ST8SIA5: variants seen among roughly 807,000 people sequenced by gnomAD.
ST8SIA5 encodes alpha-2,8-sialyltransferase 8E.
Under a neutral mutation model 40.2 loss-of-function variants are expected in ST8SIA5, and 24 were observed. That is an observed-to-expected ratio of 0.60 (90% CI 0.43 to 0.84). The LOEUF (loss-of-function observed/expected upper bound fraction) is 0.84, where lower values mean the gene tolerates loss of function less well. Ranked by LOEUF, ST8SIA5 falls within the 40% of genes least tolerant of loss-of-function variation. The pLI, the probability that ST8SIA5 is intolerant of heterozygous loss-of-function variation, is 0.00. For missense variants in ST8SIA5, 465 were observed against 498.5 expected (o/e 0.93, Z 0.64); for synonymous variants, 198 against 201.8 (o/e 0.98, Z 0.16).
intron 2 of ST8SIA5, among the ~76,000 whole-genome samples, chr18:46,696,567 T>C (rs184687788): frequency 1.3e-5 from 2 of 152,330 alleles, no homozygotes; most frequent in East Asian, 3.9e-4. Flanking sequence ...CTTGGGCAAG[T>C]CATTTAATCT....
At chr18:46,728,727 A>G (rs2039956886) in intron 1 of ST8SIA5, among the ~76,000 whole-genome samples, 1 of 152,124 alleles carries the variant, frequency 6.6e-6, no homozygotes. Context: ...GCCCCCCCAC[A>G]TGCTCTGGAG....
rs1271696966 is a variant in ST8SIA5 at position 46,668,257 on chromosome 18, G to C, written c.*11785C>G. The C allele has an allele frequency of 6.6e-6, 1 of 152,288 alleles. No homozygotes were observed. The highest frequency in any genetic ancestry group is 2.4e-5 in the African/African-American group (1 of 41,466). 9.4% of individuals were successfully genotyped at this position (152,288 alleles called of 1,614,324 possible). ...CGTGACTTGGCTCTTTGAGAGGAAA[G>C]CAAGGGAGGGAAGGGAGGCATGCCA... On this transcript the variant is annotated 3_prime_UTR_variant, in exon 7 of 7. Transcript: ENST00000315087.
In ST8SIA5 at chr18:46,682,033, T is replaced by C. The variant is rs1418354894; in HGVS notation, c.601A>G (p.Thr201Ala). The C allele has an allele frequency of 1.2e-6, 2 of 1,610,400 alleles. No individual in the cohort carries two copies. Among genetic ancestry groups the C allele is most frequent in the Admixed American group, 3.4e-5 (2 of 59,082 alleles). Residue 201 changes from threonine (T) to alanine (A), a missense_variant, in exon 6 of 7, where the codon ACC (threonine) becomes GCC (alanine). Physicochemically the swap from Thr to Ala is moderately conservative, Grantham distance 58. Coordinates refer to ENST00000315087, the MANE Select transcript of ST8SIA5 (RefSeq NM_013305.6). Reference sequence around the variant, plus strand: ...TCCGTCTTCACCCCCACATCCATGGTGTACTTCTCTGAGATGGGGGGCAGG... The same window carrying C: ...TCCGTCTTCACCCCCACATCCATGGCGTACTTCTCTGAGATGGGGGGCAGG... ...CNLPPISEKY[T>A]MDVGVKTDVV...
chr18:46,686,760 C>T (rs1368676898), intron 4 of ST8SIA5, among the ~76,000 whole-genome samples: 1 of 150,874 alleles, frequency 6.6e-6, no homozygotes, highest in Non-Finnish European at 1.5e-5. Flanking sequence ...AAAACAGGGG[C>T]CTCTCACAGC....
rs763496347 is a variant in ST8SIA5, at chr18:46,680,117, A to G, written c.1056T>C (p.Ser352=). 16 of 1,613,430 alleles carry G rather than the reference A, an allele frequency of 9.9e-6. No individual in the cohort carries two copies. In the East Asian group the frequency reaches 1.3e-4, roughly 13 times the overall value. Residue 352 remains serine (S), a synonymous_variant, in exon 7 of 7, where the codon TCT becomes TCC. Transcript: ENST00000315087. ...KPRPGFHAMP[S]EIFNFLHLHS... is the part of the protein sequence containing the mutation. ...GCAAGTGCAGGAAGTTGAAGATCTC[A>G]GAGGGCATGGCGTGGAAGCCGGGAC... is the stretch of plus-strand genomic sequence containing the variant.
chr18:46,723,344 G>C (rs1486286574), intron 1 of ST8SIA5: 1 of 152,224 alleles, frequency 6.6e-6, no homozygotes, highest in Non-Finnish European at 1.5e-5. Flanking sequence ...CTGAGCTCAG[G>C]AGTTTGAGAC....
rs925225031 is a variant in ST8SIA5, at chr18:46,670,725, C to G, written c.*9317G>C. 1 of 152,082 alleles carries G rather than the reference C, an allele frequency of 6.6e-6. No individual in the cohort carries two copies. The highest frequency in any genetic ancestry group is 1.5e-5 in the Non-Finnish European group (1 of 68,018). 9.4% of individuals were successfully genotyped at this position (152,082 alleles called of 1,614,324 possible). ...GGGATTACAGATGTGAGCCACCATG[C>G]CTGGACATATTTTCTTATCCTTAAT... On this transcript the variant is annotated 3_prime_UTR_variant, in exon 7 of 7. Coordinates refer to ENST00000315087, the MANE Select transcript of ST8SIA5 (RefSeq NM_013305.6).
intron 1 of ST8SIA5, among the ~76,000 whole-genome samples, chr18:46,720,088 C>T (rs886835931): frequency 1.3e-5 from 2 of 152,188 alleles, no homozygotes; most frequent in Admixed American, 6.5e-5. Context: ...ATCCACCCGC[C>T]TTGGCCTCCC....
chr18:46,730,886 T>A (rs2039979025), intron 1 of ST8SIA5, among the ~76,000 whole-genome samples: 2 of 152,028 alleles, frequency 1.3e-5, no homozygotes, highest in Admixed American at 1.3e-4. Context: ...GAGGCTGAAG[T>A]GGGAGGATTG....
intron 4 of ST8SIA5, among the ~76,000 whole-genome samples, chr18:46,688,194 C>A (rs998748610): frequency 6.6e-5 from 10 of 152,164 alleles, no homozygotes; most frequent in African/African-American, 2.4e-4. Context: ...CTCCAGAATT[C>A]TTTTATGTGA....
In ST8SIA5 at chr18:46,678,410, T is replaced by C. The variant is rs1439835287; in HGVS notation, c.*1632A>G. The C allele has an allele frequency of 6.6e-6, 1 of 152,322 alleles. No individual in the cohort carries two copies. Among genetic ancestry groups the C allele is most frequent in the Non-Finnish European group, 1.5e-5 (1 of 68,142 alleles). 9.4% of individuals were successfully genotyped at this position (152,322 alleles called of 1,614,324 possible). A position where few individuals can be genotyped will look rare whatever the true frequency, so the allele number is the denominator to read the frequency against. On this transcript the variant is annotated 3_prime_UTR_variant, in exon 7 of 7. Coordinates refer to ENST00000315087, the MANE Select transcript of ST8SIA5 (RefSeq NM_013305.6). ...ATAAAGCCTGCACTCTCCACGTCCC[T>C]GACTGGCTCAGCCGGGGGGCCTGTC...
chr18:46,689,411 C>T (rs1485321633), intron 3 of ST8SIA5, among the ~76,000 whole-genome samples: 1 of 152,224 alleles, frequency 6.6e-6, no homozygotes, highest in Non-Finnish European at 1.5e-5. Flanking sequence ...TGTCAAGAGG[C>T]CTGGATTCTT....
At chr18:46,727,012 T>C (rs964770709) in intron 1 of ST8SIA5, among the ~76,000 whole-genome samples, 25 of 152,254 alleles carry the variant, frequency 1.6e-4, no homozygotes, top group African/African-American at 5.8e-4. Flanking sequence ...GGCAGCTTCC[T>C]GGACTCAGTC....
chr18:46,733,484 A>C (rs552030981), intron 1 of ST8SIA5, among the ~76,000 whole-genome samples: 1 of 152,304 alleles, frequency 6.6e-6, no homozygotes, highest in Non-Finnish European at 1.5e-5. Context: ...CAAGCCACCA[A>C]AGCCTTGCCC....
In ST8SIA5 at chr18:46,669,253, G is replaced by A. The variant is rs75060966; in HGVS notation, c.*10789C>T. ...AAAAGGTGCCCTAGAGGGCTAGAGC[G>A]GGACACTGGCCACCGTCCCCTGCCC... On this transcript the variant is annotated 3_prime_UTR_variant, in exon 7 of 7. Coordinates refer to ENST00000315087, the MANE Select transcript of ST8SIA5 (RefSeq NM_013305.6). 0.031 allele frequency: 4,657 copies of A among 152,408 alleles called. 111 individuals carry two copies. Among genetic ancestry groups the A allele is most frequent in the Non-Finnish European group, 0.046 (3,108 of 68,152 alleles). 9.4% of individuals were successfully genotyped at this position (152,408 alleles called of 1,614,324 possible).
chr18:46,688,285 G>C (rs532298644), intron 4 of ST8SIA5, among the ~76,000 whole-genome samples: 1 of 152,324 alleles, frequency 6.6e-6, no homozygotes, highest in Admixed American at 6.5e-5. Context: ...TCTATTCATA[G>C]TCCAAGCCCC....
At chr18:46,685,766 T>C (rs1282580245) in intron 5 of ST8SIA5, 1 of 196,752 alleles carries the variant, frequency 5.1e-6, no homozygotes, top group Non-Finnish European at 1.1e-5. Flanking sequence ...AGGACCAGTC[T>C]CTGGCTTAGT....
intron 1 of ST8SIA5, among the ~76,000 whole-genome samples, chr18:46,735,073 C>A (rs2040021021): frequency 6.6e-6 from 1 of 152,250 alleles, no homozygotes; most frequent in Non-Finnish European, 1.5e-5. Context: ...TCCTGGCCTT[C>A]ATCTTTCTCC....
At chr18:46,732,282 T>C (rs991449813) in intron 1 of ST8SIA5, among the ~76,000 whole-genome samples, 10 of 152,192 alleles carry the variant, frequency 6.6e-5, no homozygotes, top group Middle Eastern at 3.4e-3. Flanking sequence ...GAAACAGGCA[T>C]AGAGTGGGAA....
Sources: gnomAD v4.1 joint callset for allele counts (sites outside exome capture counted in the v4.1 genomes callset) on GRCh38, gnomAD v4.1.1 for gene constraint, MANE v1.5 for transcripts, NCBI Gene and HGNC (gene_info 2026-07-23, HGNC 2026-07-21) for gene names.